SCRN1: variants seen among roughly 807,000 people sequenced by gnomAD.
SCRN1 encodes the protein secernin 1, also known as secernin-1.
A neutral mutation model predicts 43.3 loss-of-function variants in SCRN1; 19 were observed. That is an observed-to-expected ratio of 0.44 (90% CI 0.31 to 0.64). The LOEUF (loss-of-function observed/expected upper bound fraction) is 0.64. SCRN1 is among the 30% of genes least tolerant of loss of function. SCRN1 has a pLI of 0.09. For synonymous variants in SCRN1, 183 were observed against 188.9 expected, an observed-to-expected ratio of 0.97 and a Z score of 0.26; for missense variants, 447 against 524.1, an observed-to-expected ratio of 0.85 and a Z score of 1.44.
intron 1 of SCRN1, among the ~76,000 whole-genome samples, chr7:29,987,396 C>T (rs184104690): frequency 3.6e-3 from 543 of 152,180 alleles, no homozygotes; most frequent in South Asian, 6.8e-3. Flanking sequence ...TAGAAACAGT[C>T]GAAAAAAATG....
In SCRN1 at chr7:29,936,769, G is replaced by A. The variant is rs146331932; in HGVS notation, c.740-48C>T. The stretch of plus-strand genomic sequence containing the variant: ...CAAATGGAAAGAGTAGATATAGGCC[G>A]GGCGCGGTGGCTCACGCCTGTAATC... On this transcript the variant is annotated intron_variant, in intron 5 of 7. Coordinates refer to ENST00000242059, the MANE Select transcript of SCRN1 (RefSeq NM_014766.5). 1,207 of 1,427,662 alleles carry A rather than the reference G, an allele frequency of 8.5e-4. 1 individual carries two copies. Among genetic ancestry groups the A allele is most frequent in the African/African-American group, 5.0e-3 (356 of 71,284 alleles). The allele number at this position is 1,427,662 out of a possible 1,614,324, so 88.4% of individuals were successfully genotyped here. A position where few individuals can be genotyped will look rare whatever the true frequency, so the allele number is the denominator to read the frequency against.
At chr7:29,944,356 C>T (rs1787658249) in intron 3 of SCRN1, among the ~76,000 whole-genome samples, 177 bp from the exon 4 acceptor site, 1 of 152,160 alleles carries the variant, frequency 6.6e-6, no homozygotes, top group Admixed American at 6.5e-5. Context: ...ACACACTTCT[C>T]ACATGTTTGC....
chr7:29,985,496 G>C (rs1789121096), intron 1 of SCRN1, among the ~76,000 whole-genome samples: 1 of 152,106 alleles, frequency 6.6e-6, no homozygotes, highest in Non-Finnish European at 1.5e-5. Flanking sequence ...GGTGGGACCA[G>C]AGCTAGGTCC....
chr7:29,927,562 G>A (rs1245778497), intron 6 of SCRN1, among the ~76,000 whole-genome samples: 3 of 152,298 alleles, frequency 2.0e-5, no homozygotes, highest in African/African-American at 7.2e-5. Context: ...TGCGTCCCAA[G>A]GATTGCCTGT....
intron 1 of SCRN1, among the ~76,000 whole-genome samples, chr7:29,981,183 A>C (rs562531824): frequency 7.2e-6 from 1 of 139,656 alleles, no homozygotes; most frequent in African/African-American, 2.7e-5. Flanking sequence ...TAAGTGCAAT[A>C]AAAAAAAAAA....
Position 29,944,214 on chromosome 7 carries a change from T to C in SCRN1, c.342-35A>G, listed in dbSNP as rs572701166. On this transcript the variant is annotated intron_variant, in intron 3 of 7. Coordinates refer to ENST00000242059, the MANE Select transcript of SCRN1 (RefSeq NM_014766.5). Reference sequence around the variant, plus strand: ...GGAAACCAGAACCATACTTCAGTCATTTCATACCACAGGATTGTTACTAGA... The same window carrying C: ...GGAAACCAGAACCATACTTCAGTCACTTCATACCACAGGATTGTTACTAGA... 5 of 1,594,372 alleles carry C rather than the reference T, an allele frequency of 3.1e-6. No individual in the cohort carries two copies. The South Asian group carries it at 5.5e-5, about 18-fold the overall frequency.
At chr7:29,924,503 C>T (rs1219661770) in intron 7 of SCRN1, among the ~76,000 whole-genome samples, 1 of 152,244 alleles carries the variant, frequency 6.6e-6, no homozygotes, top group East Asian at 1.9e-4. Context: ...AGGGCCATCC[C>T]CTTTCTCAGC....
chr7:29,966,873 T>G (rs1474969518), intron 2 of SCRN1, among the ~76,000 whole-genome samples: 4 of 152,108 alleles, frequency 2.6e-5, no homozygotes, highest in African/African-American at 9.7e-5. Context: ...CCTCATAGAG[T>G]TCTGTTGCTC....
intron 3 of SCRN1, among the ~76,000 whole-genome samples, chr7:29,948,195 G>C (rs887330946): frequency 2.0e-5 from 3 of 152,178 alleles, no homozygotes; most frequent in East Asian, 3.8e-4. Context: ...ACTACATAGA[G>C]GAGTGGCCTC....
rs1045347820 is a variant in SCRN1 at position 29,950,889 on chromosome 7, T to C, written c.341+4290A>G. ...TCACTCAATGAAGCTCCTCACCACC[T>C]TGCTCACTCTCCAGCTGTCCATGTA... On this transcript the variant is annotated intron_variant, in intron 3 of 7. Transcript: ENST00000242059. The surrounding 1 kb of genome is among the most constrained non-coding windows in gnomAD (Gnocchi z 4.5). 5.3e-5 allele frequency among the ~76,000 whole-genome samples: 8 copies of C among 152,328 alleles called. No homozygotes were observed. In the South Asian group the frequency reaches 1.2e-3, roughly 24 times the overall value.
chr7:29,958,872 C>T (rs1044625517), intron 2 of SCRN1, among the ~76,000 whole-genome samples: 17 of 152,196 alleles, frequency 1.1e-4, no homozygotes, highest in African/African-American at 4.1e-4. Context: ...CAGCACTGCC[C>T]AGTGCTAATC....
intron 5 of SCRN1, among the ~76,000 whole-genome samples, chr7:29,937,635 T>C (rs1462624423): frequency 1.3e-5 from 2 of 152,206 alleles, no homozygotes; most frequent in Non-Finnish European, 2.9e-5. Context: ...GAGAATGTCC[T>C]CTCTGCGGTG....
chr7:29,951,138 C>G (rs1583670314), intron 3 of SCRN1, among the ~76,000 whole-genome samples: 1 of 152,250 alleles, frequency 6.6e-6, no homozygotes, highest in African/African-American at 2.4e-5. Flanking sequence ...CAGTTCCTGG[C>G]ATTTCCAAGC....
At chr7:29,988,047 A>T (rs1228453446) in intron 1 of SCRN1, among the ~76,000 whole-genome samples, 2 of 142,946 alleles carry the variant, frequency 1.4e-5, no homozygotes, top group Non-Finnish European at 3.2e-5. Context: ...AAGGCTGTTT[A>T]AAAAAAAAAA....
At chr7:29,981,150 C>T (rs1156402040) in intron 1 of SCRN1, among the ~76,000 whole-genome samples, 8 of 151,452 alleles carry the variant, frequency 5.3e-5, no homozygotes, top group Non-Finnish European at 1.0e-4. Flanking sequence ...TTCATTAATT[C>T]TTCCAGGTCA....
rs181160454 is a variant in SCRN1 at position 29,925,658 on chromosome 7, A to G, written c.1086+794T>C. Among the ~76,000 whole-genome samples the G allele has an allele frequency of 1.4e-3, 208 of 152,248 alleles. 3 individuals carry two copies. The highest frequency in any genetic ancestry group is 2.3e-3 in the Non-Finnish European group (155 of 68,006). ...TTGATGACTTATCACTTTATTAACC[A>G]AAGGTGTGGGACTGGGGAGAGCTGC... On this transcript the variant is annotated intron_variant, in intron 7 of 7. Coordinates refer to ENST00000242059, the MANE Select transcript of SCRN1 (RefSeq NM_014766.5).
At chr7:29,969,852 T>C in intron 1 of SCRN1, 1 of 456,440 alleles carries the variant, frequency 2.2e-6, no homozygotes, top group South Asian at 1.5e-5. Flanking sequence ...TATCCGAAGC[T>C]GATTTCATCT....
At chr7:29,985,173 A>G (rs1789112317) in intron 1 of SCRN1, among the ~76,000 whole-genome samples, 1 of 143,560 alleles carries the variant, frequency 7.0e-6, no homozygotes, top group African/African-American at 2.6e-5. Context: ...TGGGAGACTG[A>G]GGCAGGCGGA....
intron 2 of SCRN1, among the ~76,000 whole-genome samples, chr7:29,955,575 G>A (rs1788111613): frequency 1.3e-5 from 2 of 152,228 alleles, no homozygotes; most frequent in Admixed American, 1.3e-4. Flanking sequence ...TATTCCTGGT[G>A]CTCACGTAAT....
Sources: gnomAD v4.1 joint callset for allele counts (sites outside exome capture counted in the v4.1 genomes callset) on GRCh38, gnomAD v4.1.1 for gene constraint, Gnocchi (gnomAD v3.1) non-coding constraint, MANE v1.5 for transcripts, NCBI Gene and HGNC (gene_info 2026-07-23, HGNC 2026-07-21) for gene names.